Variants in PAAF1 observed in about 807,000 individuals in gnomAD.
PAAF1 encodes proteasomal ATPase associated factor 1, also known as proteasomal ATPase-associated factor 1.
In PAAF1, 46 loss-of-function variants were observed where a neutral mutation model predicts 52.8. That is an observed-to-expected ratio of 0.87 (90% confidence interval 0.69 to 1.11). The LOEUF (loss-of-function observed/expected upper bound fraction) is 1.11. Among genes scored for constraint, PAAF1 ranks in the 50% most tolerant of loss-of-function variants. PAAF1 has a pLI of 0.00. For synonymous variants in PAAF1, 178 were observed against 172.8 expected (o/e 1.03, Z -0.24); for missense variants, 424 against 477.4 (o/e 0.89, Z 1.04).
At chr11:73,900,465 G>A in intron 6 of PAAF1, 45 bp downstream of exon 6, 1 of 1,500,764 alleles carries the variant, frequency 6.7e-7, no homozygotes, top group Non-Finnish European at 9.0e-7. Flanking sequence ...ATGATCCCCA[G>A]AAATGAATCA....
intron 10 of PAAF1, 133 bp from the exon 11 acceptor site, chr11:73,924,482 T>A (rs1950302165): frequency 1.4e-6 from 1 of 706,242 alleles, no homozygotes; most frequent in Non-Finnish European, 2.3e-6. Context: ...CGTAATAAGA[T>A]CTATTTGCCA....
At chr11:73,918,075 A>T (rs1950112816) in intron 9 of PAAF1, among the ~76,000 whole-genome samples, 1 of 152,206 alleles carries the variant, frequency 6.6e-6, no homozygotes, top group Admixed American at 6.5e-5. Context: ...CTTGTTGAGT[A>T]GGACGTTGCC....
rs1356886823 is a variant in PAAF1, at chr11:73,901,927, C to G, written c.532+1507C>G. 4.9e-5 allele frequency among the ~76,000 whole-genome samples: 7 copies of G among 143,646 alleles called. No individual in the cohort carries two copies. The South Asian group carries it at 1.1e-3, about 22-fold the overall frequency. 94.2% of individuals were successfully genotyped at this position (143,646 alleles called of 152,430 possible). On this transcript the variant is annotated intron_variant, in intron 6 of 11. Coordinates refer to ENST00000310571, the MANE Select transcript of PAAF1 (RefSeq NM_025155.3). ...TGCCCAGTCTGGAGTGCAGTGATGC[C>G]AGCTCGGCTCACTGCAACCTCCCCA... is the stretch of plus-strand genomic sequence containing the variant.
At chr11:73,897,305 G>T (rs1250944900) in intron 4 of PAAF1, among the ~76,000 whole-genome samples, 11 of 149,764 alleles carry the variant, frequency 7.3e-5, no homozygotes, top group Admixed American at 6.0e-4. Context: ...CTTCCCTCCC[G>T]GACGAGGTGG....
chr11:73,877,133 A>G, intron 1 of PAAF1, 65 bp downstream of exon 1: 1 of 1,443,308 alleles, frequency 6.9e-7, no homozygotes, highest in Non-Finnish European at 9.2e-7. Flanking sequence ...CGTCAAGGAG[A>G]GCCATGCCTG....
intron 4 of PAAF1, among the ~76,000 whole-genome samples, chr11:73,894,138 T>G (rs1949281687): frequency 6.6e-6 from 1 of 152,202 alleles, no homozygotes; most frequent in Non-Finnish European, 1.5e-5. Context: ...CTGCTTTAAC[T>G]GAGGGAGAAG....
At chr11:73,901,358 A>T (rs1949608024) in intron 6 of PAAF1, among the ~76,000 whole-genome samples, 1 of 152,212 alleles carries the variant, frequency 6.6e-6, no homozygotes, top group African/African-American at 2.4e-5. Context: ...GGTATGTTTT[A>T]TCCTTAATTG....
intron 11 of PAAF1, among the ~76,000 whole-genome samples, chr11:73,926,115 CTTTT>C (rs1307942967): frequency 2.7e-5 from 4 of 150,082 alleles, no homozygotes; most frequent in Non-Finnish European, 4.4e-5. Context: ...TTCTTTCTTT[CTTTT>C]TTTTGAGATG....
rs896004286 is a variant in PAAF1, at chr11:73,882,727, G to T, written c.88+3908G>T. Among the ~76,000 whole-genome samples, 4 of 151,478 alleles carry T rather than the reference G, an allele frequency of 2.6e-5. No individual in the cohort carries two copies. The South Asian group carries it at 8.4e-4, about 32-fold the overall frequency. Reference sequence around the variant, plus strand: ...ATGCCATTCTTCTGCCTCAGCCTCCGAAGTAGCTGGGATTACAGGTGTCCG... The same window carrying T: ...ATGCCATTCTTCTGCCTCAGCCTCCTAAGTAGCTGGGATTACAGGTGTCCG... On this transcript the variant is annotated intron_variant, in intron 2 of 11. Coordinates refer to ENST00000310571, the MANE Select transcript of PAAF1 (RefSeq NM_025155.3).
intron 11 of PAAF1, among the ~76,000 whole-genome samples, chr11:73,926,103 C>T (rs1425906417): frequency 6.7e-6 from 1 of 149,842 alleles, no homozygotes; most frequent in African/African-American, 2.4e-5. Context: ...CTATTTCTTT[C>T]TTTCTTTCTT....
Position 73,914,524 on chromosome 11 carries a change from C to A in PAAF1, c.819+20C>A, listed in dbSNP as rs78664341. ...CAGCTGGCAAGTGGTTCCTATATGA[C>A]CTTTGAACTCTGAGGCAACCTGGGT... On this transcript the variant is annotated intron_variant, in intron 8 of 11. Transcript: ENST00000310571. The A allele has an allele frequency of 0.037, 59,644 of 1,609,366 alleles. 1,282 individuals carry two copies. The highest frequency in any genetic ancestry group is 0.068 in the Middle Eastern group (412 of 6,048).
In PAAF1 at chr11:73,924,664, G is replaced by T; in HGVS notation, c.1068G>T (p.Glu356Asp). Residue 356 changes from glutamate to aspartate, a missense_variant, in exon 11 of 12, where the codon GAG (glutamate) becomes GAT (aspartate). By Grantham distance (45) the Glu-to-Asp change is conservative (BLOSUM62 2). Transcript: ENST00000310571. ...IVQQDLDYVT[E>D]LTGADCDPVY... ...AGCAAGACTTAGACTATGTCACTGA[G>T]CTCACTGGGGCTGACTGTGACCCTG... 1 of 1,614,070 alleles carries T rather than the reference G, an allele frequency of 6.2e-7. No individual in the cohort carries two copies.
At chr11:73,900,199 A>C in intron 5 of PAAF1, 71 bp from the exon 6 acceptor site, 2 of 1,497,700 alleles carry the variant, frequency 1.3e-6, no homozygotes, top group Non-Finnish European at 1.8e-6. Context: ...AAGGGACCAG[A>C]GTATGGGAGG....
chr11:73,897,191 C>T (rs1454238500), intron 4 of PAAF1, among the ~76,000 whole-genome samples: 4 of 139,440 alleles, frequency 2.9e-5, no homozygotes, highest in Non-Finnish European at 6.3e-5. Context: ...GGGCTGACCC[C>T]CCCACCTCCC....
chr11:73,885,913 CT>C (rs1949046948), intron 2 of PAAF1, among the ~76,000 whole-genome samples: 1 of 151,586 alleles, frequency 6.6e-6, no homozygotes, highest in African/African-American at 2.4e-5. Context: ...TCTCCTGTAA[CT>C]TCAGTTTGGC....
Position 73,929,396 on chromosome 11 carries a change from T to C in PAAF1, c.*2034T>C, listed in dbSNP as rs867141185. 2.0e-5 allele frequency: 3 copies of C among 152,310 alleles called. No homozygotes were observed. In the Middle Eastern group the frequency reaches 0.01, roughly 518 times the overall value. The allele number at this position is 152,310 out of a possible 1,614,324, so 9.4% of individuals were successfully genotyped here. A position where few individuals can be genotyped will look rare whatever the true frequency, so the allele number is the denominator to read the frequency against. On this transcript the variant is annotated 3_prime_UTR_variant, in exon 12 of 12. Coordinates refer to ENST00000310571, the MANE Select transcript of PAAF1 (RefSeq NM_025155.3). ...TCCCATTTTTTTCTACAACACCCTG[T>C]TACTTAAACCAAAGTGTAAAAAGAA... is the stretch of plus-strand genomic sequence containing the variant.
intron 6 of PAAF1, among the ~76,000 whole-genome samples, chr11:73,903,421 G>GA (rs1394293370): frequency 2.6e-5 from 4 of 151,812 alleles, no homozygotes; most frequent in African/African-American, 9.7e-5. Flanking sequence ...GACTTAAAAA[G>GA]AAAAAAAATC....
At chr11:73,896,483 A>G (rs929311095) in intron 4 of PAAF1, among the ~76,000 whole-genome samples, 1 of 150,794 alleles carries the variant, frequency 6.6e-6, no homozygotes, top group Non-Finnish European at 1.5e-5. Flanking sequence ...ACTTGAGATT[A>G]GGGAGTGGTG....
intron 6 of PAAF1, 107 bp downstream of exon 6, chr11:73,900,527 C>A: frequency 7.6e-7 from 1 of 1,309,952 alleles, no homozygotes; most frequent in Non-Finnish European, 1.0e-6. Flanking sequence ...AATAATCCAT[C>A]CAGCTGGGCA....
Sources: allele counts gnomAD v4.1 joint callset (sites outside exome capture counted in the v4.1 genomes callset), GRCh38; gene constraint gnomAD v4.1.1; transcripts MANE v1.5; gene names NCBI Gene and HGNC (gene_info 2026-07-23, HGNC 2026-07-21).